ZNF316: variants seen among roughly 807,000 people sequenced by gnomAD.
ZNF316 encodes zinc finger protein 316.
A neutral mutation model predicts 75.6 loss-of-function variants in ZNF316; 23 were observed. That is an observed-to-expected ratio of 0.30 (90% CI 0.22 to 0.43). ZNF316 has a LOEUF of 0.43. Among genes scored for constraint, ZNF316 ranks in the 20% least tolerant of loss-of-function variants. The probability of loss-of-function intolerance (pLI) is 1.00; values close to 1 mark genes in which losing one functional copy is unlikely to be tolerated. For missense variants in ZNF316, 1,266 were observed against 1,409.4 expected, an observed-to-expected ratio of 0.90 and a Z score of 1.63; for synonymous variants, 827 against 666.2, an observed-to-expected ratio of 1.24 and a Z score of -3.72.
Position 6,652,904 on chromosome 7 carries a change from G to C in ZNF316, c.1308G>C (p.Ala436=), listed in dbSNP as rs1289123944. ...ERPYRCAFCG[A]GFGRRSYLVT... is the part of the protein sequence containing the mutation. ...CCTACCGCTGCGCCTTCTGCGGCGC[G>C]GGCTTCGGGCGCCGCTCCTACCTGG... The change falls in exon 9 of 9, where the codon GCG becomes GCC. Residue 436 remains alanine (A), a synonymous_variant. Transcript: ENST00000382252. 16 of 1,240,628 alleles carry C rather than the reference G, an allele frequency of 1.3e-5. No individual in the cohort carries two copies. The highest frequency in any genetic ancestry group is 3.8e-5 in the South Asian group (1 of 26,270). The allele number at this position is 1,240,628 out of a possible 1,614,324, so 76.9% of individuals were successfully genotyped here.
Position 6,653,906 on chromosome 7 carries a change from G to A in ZNF316, c.2310G>A (p.Thr770=), listed in dbSNP as rs919317534. ...SHLAAHVRGH[T]GEKPFVCGVC... ...TGGCGGCGCACGTGCGCGGCCACACGGGCGAGAAGCCGTTCGTGTGCGGCG... is the reference window on the plus strand; with the variant it reads ...TGGCGGCGCACGTGCGCGGCCACACAGGCGAGAAGCCGTTCGTGTGCGGCG... The change falls in exon 9 of 9, where the codon ACG becomes ACA. Residue 770 remains threonine (T), a synonymous_variant. Transcript: ENST00000382252. 4.4e-6 allele frequency: 5 copies of A among 1,125,214 alleles called. No homozygotes were observed. The East Asian group carries it at 1.4e-4, about 32-fold the overall frequency. 69.7% of individuals were successfully genotyped at this position (1,125,214 alleles called of 1,614,324 possible). A position where few individuals can be genotyped will look rare whatever the true frequency, so the allele number is the denominator to read the frequency against.
chr7:6,643,280 G>T (rs77354547), intron 6 of ZNF316, among the ~76,000 whole-genome samples: 1 of 152,178 alleles, frequency 6.6e-6, no homozygotes, highest in African/African-American at 2.4e-5. Flanking sequence ...TTTCCTGGGC[G>T]TTGGGTTGTC....
rs1779633487 is a variant in ZNF316, at chr7:6,656,741, A to G, written c.*2130A>G. On this transcript the variant is annotated 3_prime_UTR_variant, in exon 9 of 9. Coordinates refer to ENST00000382252, the MANE Select transcript of ZNF316 (RefSeq NM_001278559.2). ...CTTCCAGAGGCCAGAGTGAGGGGCC[A>G]GGTACCCTTCGTGGTGGTCCAAACA... is the stretch of plus-strand genomic sequence containing the variant. Among the ~76,000 whole-genome samples the G allele has an allele frequency of 6.6e-6, 1 of 152,162 alleles. No individual in the cohort carries two copies. The highest frequency in any genetic ancestry group is 1.5e-5 in the Non-Finnish European group (1 of 68,036).
At position 6,652,442 on chromosome 7, in the gene ZNF316, G is replaced by A. The variant is rs914399435; in HGVS notation, c.846G>A (p.Thr282=). 17 of 1,231,934 alleles carry A rather than the reference G, an allele frequency of 1.4e-5. No homozygotes were observed. In the African/African-American group the frequency reaches 1.4e-4, roughly 10 times the overall value. The allele number at this position is 1,231,934 out of a possible 1,614,324, so 76.3% of individuals were successfully genotyped here. A position where few individuals can be genotyped will look rare whatever the true frequency, so the allele number is the denominator to read the frequency against. The change falls in exon 9 of 9, where the codon ACG becomes ACA. Residue 282 remains threonine (T), a synonymous_variant. Transcript: ENST00000382252. ...ACGGCGTGGGGGACGTGCCTGGGAC[G>A]TGGGGGCCCGACGACTCGGATTCGG... The part of the protein sequence containing the change: ...AAYGVGDVPG[T]WGPDDSDSAQ...
chr7:6,642,408 G>C lies in ZNF316; in HGVS notation c.-2G>C. On this transcript the variant is annotated 5_prime_UTR_variant, in exon 5 of 9. Transcript: ENST00000382252. The surrounding 1 kb of genome is among the most constrained non-coding windows in gnomAD (Gnocchi z 8.1). ...CCACGTGGAGGCTCGCTCCCAGGGAGGATGGCGGCGCTCCACACGACTCCC... is the reference window on the plus strand; with the variant it reads ...CCACGTGGAGGCTCGCTCCCAGGGACGATGGCGGCGCTCCACACGACTCCC... The C allele has an allele frequency of 1.6e-6, 2 of 1,232,192 alleles. No homozygotes were observed. The highest frequency in any genetic ancestry group is 2.0e-6 in the Non-Finnish European group (2 of 988,076). The allele number at this position is 1,232,192 out of a possible 1,614,324, so 76.3% of individuals were successfully genotyped here. A position where few individuals can be genotyped will look rare whatever the true frequency, so the allele number is the denominator to read the frequency against.
rs1240536553 is a variant in ZNF316 at position 6,644,535 on chromosome 7, T to C, written c.648T>C (p.Pro216=). The C allele has an allele frequency of 4.1e-6, 5 of 1,232,294 alleles. No individual in the cohort carries two copies. Among genetic ancestry groups the C allele is most frequent in the East Asian group, 3.2e-5 (1 of 31,700 alleles). The allele number at this position is 1,232,294 out of a possible 1,614,324, so 76.3% of individuals were successfully genotyped here. ...LIFRLEQGEE[P]WVPDSPRPEE... ...TCCGGCTGGAACAAGGGGAAGAACC[T>C]TGGGTCCCAGATAGTCCCCGACCTG... is the stretch of plus-strand genomic sequence containing the variant. Residue 216 remains proline (P), a synonymous_variant, in exon 8 of 9, where the codon CCT becomes CCC. Coordinates refer to ENST00000382252, the MANE Select transcript of ZNF316 (RefSeq NM_001278559.2).
At position 6,652,943 on chromosome 7, in the gene ZNF316, C is replaced by T; in HGVS notation, c.1347C>T (p.Arg449=). ...GRRSYLVTHQ[R]THTGERPYPC... ...GCTCCTACCTGGTCACGCACCAGCG[C>T]ACGCACACCGGCGAGCGACCCTACC... The change falls in exon 9 of 9, where the codon CGC becomes CGT. Residue 449 remains arginine, a synonymous_variant. Coordinates refer to ENST00000382252, the MANE Select transcript of ZNF316 (RefSeq NM_001278559.2). The T allele has an allele frequency of 8.0e-7, 1 of 1,244,596 alleles. No homozygotes were observed. Among genetic ancestry groups the T allele is most frequent in the Non-Finnish European group, 1.0e-6 (1 of 993,878 alleles). 77.1% of individuals were successfully genotyped at this position (1,244,596 alleles called of 1,614,324 possible). A position where few individuals can be genotyped will look rare whatever the true frequency, so the allele number is the denominator to read the frequency against.
At position 6,658,199 on chromosome 7, in the gene ZNF316, TC is replaced by T. The variant is rs1280617650; in HGVS notation, c.*3589del. Among the ~76,000 whole-genome samples the T allele has an allele frequency of 6.6e-6, 1 of 152,232 alleles. No homozygotes were observed. Among genetic ancestry groups the T allele is most frequent in the Non-Finnish European group, 1.5e-5 (1 of 68,046 alleles). ...AACATTTCCTTCTATCTCCCTTTTT[TC>T]TTTCTCTAATTGGCTACATATGGAA... is the stretch of plus-strand genomic sequence containing the variant. On this transcript the variant is annotated 3_prime_UTR_variant, in exon 9 of 9. Transcript: ENST00000382252.
At position 6,653,264 on chromosome 7, in the gene ZNF316, AGAG is replaced by A. The variant is rs1230890344; in HGVS notation, c.1673_1675del (p.Glu558del). 2 of 1,227,068 alleles carry A rather than the reference AGAG, an allele frequency of 1.6e-6. No homozygotes were observed. Among genetic ancestry groups the A allele is most frequent in the Non-Finnish European group, 2.0e-6 (2 of 985,752 alleles). 76.0% of individuals were successfully genotyped at this position (1,227,068 alleles called of 1,614,324 possible). ...AGGCGGAGGCCGCGGCCGAGGAGAGAGAGGAGGCGGCGGTGGCGGCGCCCACCC... is the reference window on the plus strand; with the variant it reads ...AGGCGGAGGCCGCGGCCGAGGAGAGAGAGGCGGCGGTGGCGGCGCCCACCC... On this transcript the variant is annotated inframe_deletion, in exon 9 of 9. Coordinates refer to ENST00000382252, the MANE Select transcript of ZNF316 (RefSeq NM_001278559.2).
Position 6,646,460 on chromosome 7 carries a change from G to C in ZNF316, c.706+1867G>C, listed in dbSNP as rs554662554. On this transcript the variant is annotated intron_variant, in intron 8 of 8. Coordinates refer to ENST00000382252, the MANE Select transcript of ZNF316 (RefSeq NM_001278559.2). Reference sequence around the variant, plus strand: ...TAGGGGTAGAGCCTTGTGCAGGCTTGAGCCTGAGTGGTTCCCTTTCAGCCC... The same window carrying C: ...TAGGGGTAGAGCCTTGTGCAGGCTTCAGCCTGAGTGGTTCCCTTTCAGCCC... Among the ~76,000 whole-genome samples the C allele has an allele frequency of 2.6e-5, 4 of 152,296 alleles. No homozygotes were observed. The East Asian group carries it at 7.7e-4, about 29-fold the overall frequency.
At chr7:6,648,047 G>A (rs1779440316) in intron 8 of ZNF316, among the ~76,000 whole-genome samples, 1 of 152,226 alleles carries the variant, frequency 6.6e-6, no homozygotes, top group African/African-American at 2.4e-5. Flanking sequence ...ACCAGGGCCT[G>A]GGGACAGAAG....
chr7:6,642,862 G>A lies in ZNF316; in HGVS notation c.355+98G>A, dbSNP rs1583440626. ...CCAGGAGGGCTCTTGGGCCGACAGGGTGGAGCTGAAACCCAGCTTTGCAAT... is the reference window on the plus strand; with the variant it reads ...CCAGGAGGGCTCTTGGGCCGACAGGATGGAGCTGAAACCCAGCTTTGCAAT... On this transcript the variant is annotated intron_variant, in intron 5 of 8. Transcript: ENST00000382252. The surrounding 1 kb of genome is among the most constrained non-coding windows in gnomAD (Gnocchi z 8.1). The A allele has an allele frequency of 1.6e-6, 2 of 1,232,022 alleles. No individual in the cohort carries two copies. The highest frequency in any genetic ancestry group is 3.1e-5 in the African/African-American group (2 of 64,534). The allele number at this position is 1,232,022 out of a possible 1,614,324, so 76.3% of individuals were successfully genotyped here. A position where few individuals can be genotyped will look rare whatever the true frequency, so the allele number is the denominator to read the frequency against.
rs904881916 is a variant in ZNF316 at position 6,639,131 on chromosome 7, C to G, written c.-177C>G. On this transcript the variant is annotated 5_prime_UTR_variant, in exon 3 of 9. Coordinates refer to ENST00000382252, the MANE Select transcript of ZNF316 (RefSeq NM_001278559.2). The surrounding 1 kb of genome is among the most constrained non-coding windows in gnomAD (Gnocchi z 4.2). ...CGTCTTTGGAGGCAGAGACTCTCCA[C>G]TGCTTCTGGGGTGAGTTCCAATTCC... The G allele has an allele frequency of 3.9e-5, 6 of 152,408 alleles. No individual in the cohort carries two copies. The highest frequency in any genetic ancestry group is 3.9e-4 in the Admixed American group (6 of 15,284). 9.4% of individuals were successfully genotyped at this position (152,408 alleles called of 1,614,324 possible).
At position 6,639,386 on chromosome 7, in the gene ZNF316, G is replaced by A. The variant is rs1779274952; in HGVS notation, c.-167+245G>A. On this transcript the variant is annotated intron_variant, in intron 3 of 8. Transcript: ENST00000382252. The surrounding 1 kb of genome is among the most constrained non-coding windows in gnomAD (Gnocchi z 4.2). Reference sequence around the variant, plus strand: ...GGAGCTGGCTGTACTCAGGGAGAGAGATGATAAGACAGTCTCATAAGTGTA... The same window carrying A: ...GGAGCTGGCTGTACTCAGGGAGAGAAATGATAAGACAGTCTCATAAGTGTA... Among the ~76,000 whole-genome samples, 1 of 152,202 alleles carries A rather than the reference G, an allele frequency of 6.6e-6. No individual in the cohort carries two copies. Among genetic ancestry groups the A allele is most frequent in the African/African-American group, 2.4e-5 (1 of 41,452 alleles).
chr7:6,651,001 G>A (rs1449022864), intron 8 of ZNF316, among the ~76,000 whole-genome samples: 1 of 152,160 alleles, frequency 6.6e-6, no homozygotes, highest in Non-Finnish European at 1.5e-5. Flanking sequence ...TGAAGGGAGA[G>A]GGCAGGGGTG....
In ZNF316 at chr7:6,642,333, G is replaced by C; in HGVS notation, c.-28-49G>C. ...CTGCGGGAGACCCTGTGAGGGGACC[G>C]TGTGGTGTGCTGAGAGCAGCCCGTC... On this transcript the variant is annotated intron_variant, in intron 4 of 8. Transcript: ENST00000382252. The surrounding 1 kb of genome is among the most constrained non-coding windows in gnomAD (Gnocchi z 8.1). 1 of 973,722 alleles carries C rather than the reference G, an allele frequency of 1.0e-6. No individual in the cohort carries two copies. Among genetic ancestry groups the C allele is most frequent in the Non-Finnish European group, 1.3e-6 (1 of 752,660 alleles). The allele number at this position is 973,722 out of a possible 1,614,324, so 60.3% of individuals were successfully genotyped here. A position where few individuals can be genotyped will look rare whatever the true frequency, so the allele number is the denominator to read the frequency against.
chr7:6,651,606 T>TA (rs1032177755), intron 8 of ZNF316, among the ~76,000 whole-genome samples: 11 of 147,794 alleles, frequency 7.4e-5, no homozygotes, highest in African/African-American at 9.9e-5. Flanking sequence ...AGTGAGCTTT[T>TA]AAAAAAAAAA....
At chr7:6,644,451 C>T in intron 7 of ZNF316, 29 bp from the exon 8 acceptor site, 2 of 1,215,388 alleles carry the variant, frequency 1.6e-6, no homozygotes, top group Non-Finnish European at 2.1e-6. Context: ...ACGGGAGCCG[C>T]CTGCAGCCGC....
In ZNF316 at chr7:6,652,336, A is replaced by G; in HGVS notation, c.740A>G (p.His247Arg). The G allele has an allele frequency of 8.1e-7, 1 of 1,232,382 alleles. No homozygotes were observed. Among genetic ancestry groups the G allele is most frequent in the Non-Finnish European group, 1.0e-6 (1 of 988,094 alleles). The allele number at this position is 1,232,382 out of a possible 1,614,324, so 76.3% of individuals were successfully genotyped here. ...TTCTGGACGGACGACATAGAGGACC[A>G]CGAGGAGGAAGACGACGAGGACTTC... Reference protein sequence around the residue: ...AWFWTDDIEDHEEEDDEDFLA... With the variant: ...AWFWTDDIEDREEEDDEDFLA... Residue 247 changes from histidine to arginine, a missense_variant, in exon 9 of 9, where the codon CAC becomes CGC. Physicochemically the swap from His to Arg is conservative, Grantham distance 29. Around this residue, in one of 3 missense-constraint regions of ZNF316, gnomAD observed 961 missense variants for 990.9 expected, o/e 0.97. Transcript: ENST00000382252.
Sources: gnomAD v4.1 joint callset for allele counts (sites outside exome capture counted in the v4.1 genomes callset) on GRCh38, gnomAD v4.1.1 for gene constraint, gnomAD v4.1.1 regional missense constraint, Gnocchi (gnomAD v3.1) non-coding constraint, MANE v1.5 for transcripts, NCBI Gene and HGNC (gene_info 2026-07-23, HGNC 2026-07-21) for gene names.